The following PECAM1 variants were observed in gnomAD, a reference collection of about 807,000 sequenced individuals.
PECAM1 encodes platelet endothelial cell adhesion molecule.
A neutral mutation model predicts 13.8 loss-of-function variants in PECAM1; 8 were observed. The ratio of observed to expected loss-of-function variants is 0.58; its 90% CI spans 0.34 to 1.05. PECAM1 has a LOEUF of 1.05. Ranked by LOEUF, PECAM1 falls within the 50% of genes least tolerant of loss-of-function variation. The pLI, the probability that PECAM1 is intolerant of heterozygous loss-of-function variation, is 0.03. For synonymous variants in PECAM1, 136 were observed against 52.6 expected (o/e 2.58, Z -6.86); for missense variants, 304 against 141.2 (o/e 2.15, Z -5.84).
chr17:64,377,617 A>AAAGG lies in PECAM1; in HGVS notation c.385+203_385+206dup, dbSNP rs386627305. ...CAGAGTGAGACTCCATCAAAGAAAG[A>AAAGG]AAGGAAGGAAGGAAGGAAGGAAGGG... On this transcript the variant is annotated intron_variant, in intron 3 of 15. Transcript: ENST00000563924. The AAAGG allele has an allele frequency of 1.3e-4, 34 of 252,252 alleles. 3 individuals are homozygous for AAAGG. Among genetic ancestry groups the AAAGG allele is most frequent in the African/African-American group, 3.2e-4 (13 of 40,234 alleles). The allele number at this position is 252,252 out of a possible 1,614,324, so 15.6% of individuals were successfully genotyped here. A position where few individuals can be genotyped will look rare whatever the true frequency, so the allele number is the denominator to read the frequency against.
chr17:64,374,258 G>C (rs2036306929), intron 4 of PECAM1, among the ~76,000 whole-genome samples: 1 of 152,162 alleles, frequency 6.6e-6, no homozygotes, highest in Non-Finnish European at 1.5e-5. Context: ...AGGAGGCCGA[G>C]GTGAGTAGAT....
At chr17:64,355,260 A>G (rs2035820475) in intron 8 of PECAM1, among the ~76,000 whole-genome samples, 1 of 152,138 alleles carries the variant, frequency 6.6e-6, no homozygotes, top group African/African-American at 2.4e-5. Context: ...TGTGGTCCTC[A>G]AGGAGGGAAC....
At chr17:64,367,481 CGGA>C (rs2036135728) in intron 5 of PECAM1, among the ~76,000 whole-genome samples, 1 of 147,348 alleles carries the variant, frequency 6.8e-6, no homozygotes, top group Non-Finnish European at 1.5e-5. Flanking sequence ...ACCCGGGAGG[CGGA>C]GGTTGCAGTG....
intron 8 of PECAM1, 69 bp downstream of exon 8, chr17:64,356,042 A>C (rs2035838967): frequency 2.1e-6 from 1 of 474,286 alleles, no homozygotes; most frequent in Non-Finnish European, 3.9e-6. Flanking sequence ...TCCCTCTTAC[A>C]AGGGGTGTGT....
intron 14 of PECAM1, among the ~76,000 whole-genome samples, chr17:64,334,671 C>G (rs1199907176): frequency 6.6e-6 from 1 of 152,144 alleles, no homozygotes; most frequent in Non-Finnish European, 1.5e-5. Flanking sequence ...CCACGTCCAG[C>G]TAATTTTTTG....
intron 3 of PECAM1, among the ~76,000 whole-genome samples, chr17:64,377,283 C>A (rs1371818446): frequency 1.3e-5 from 2 of 151,968 alleles, no homozygotes; most frequent in Admixed American, 6.6e-5. Flanking sequence ...TGGGGTAGAC[C>A]CATTTTGTTT....
At chr17:64,341,095 T>G (rs2035416729) in intron 14 of PECAM1, among the ~76,000 whole-genome samples, 1 of 54,396 alleles carries the variant, frequency 1.8e-5, no homozygotes, top group East Asian at 4.1e-4. Context: ...AAACTCTGTC[T>G]CAAAAAAAAA....
intron 2 of PECAM1, among the ~76,000 whole-genome samples, chr17:64,389,893 C>T (rs899230597): frequency 0.015 from 2,299 of 151,876 alleles, 54 homozygotes; most frequent in African/African-American, 0.052. Flanking sequence ...ACTAAAAATA[C>T]AAAAATTAGC....
intron 12 of PECAM1, among the ~76,000 whole-genome samples, chr17:64,349,270 C>T (rs1445800974): frequency 6.6e-6 from 1 of 152,070 alleles, no homozygotes; most frequent in African/African-American, 2.4e-5. Flanking sequence ...TCATCAGCTA[C>T]CAAAACAATG....
At chr17:64,354,865 C>T in intron 9 of PECAM1, 68 bp downstream of exon 9, 1 of 470,378 alleles carries the variant, frequency 2.1e-6, no homozygotes, top group Non-Finnish European at 3.9e-6. Context: ...CAGAAAAGCA[C>T]CACGCATCCC....
chr17:64,322,737 A>T lies in PECAM1; in HGVS notation c.*1079T>A. Reference sequence around the variant, plus strand: ...AATTTTGTTTTTTGTTTTTTTTGAGATGGATTCTCACTCTGTCACTCAGGC... The same window carrying T: ...AATTTTGTTTTTTGTTTTTTTTGAGTTGGATTCTCACTCTGTCACTCAGGC... On this transcript the variant is annotated 3_prime_UTR_variant, in exon 16 of 16. Transcript: ENST00000563924. The T allele has an allele frequency of 3.1e-6, 3 of 952,754 alleles. No individual in the cohort carries two copies. The South Asian group carries it at 1.5e-4, about 46-fold the overall frequency. The allele number at this position is 952,754 out of a possible 1,614,324, so 59.0% of individuals were successfully genotyped here.
chr17:64,342,775 G>C (rs1410588450), intron 13 of PECAM1, among the ~76,000 whole-genome samples: 1 of 152,028 alleles, frequency 6.6e-6, no homozygotes, highest in Non-Finnish European at 1.5e-5. Flanking sequence ...CCTTACACTG[G>C]GGTATGGGCA....
intron 2 of PECAM1, among the ~76,000 whole-genome samples, chr17:64,383,270 C>T (rs2036522907): frequency 6.6e-6 from 1 of 152,120 alleles, no homozygotes; most frequent in Non-Finnish European, 1.5e-5. Flanking sequence ...CCCGTGATCC[C>T]ACAGTGCTTA....
At chr17:64,387,899 C>G (rs960101146) in intron 2 of PECAM1, among the ~76,000 whole-genome samples, 1 of 152,142 alleles carries the variant, frequency 6.6e-6, no homozygotes, top group African/African-American at 2.4e-5. Flanking sequence ...AGACTCAGAG[C>G]AAGCCTGCAG....
chr17:64,375,475 A>G, intron 3 of PECAM1, 119 bp from the exon 4 acceptor site: 1 of 397,612 alleles, frequency 2.5e-6, no homozygotes, highest in Non-Finnish European at 4.4e-6. Context: ...GACCCATGAG[A>G]GGGCTCTTTT....
intron 6 of PECAM1, among the ~76,000 whole-genome samples, chr17:64,362,167 C>T (rs1228804849): frequency 6.6e-6 from 1 of 152,182 alleles, no homozygotes; most frequent in Non-Finnish European, 1.5e-5. Flanking sequence ...CACCAAAATG[C>T]TAGTTAGAGA....
At chr17:64,358,387 G>A (rs2035896259) in intron 7 of PECAM1, among the ~76,000 whole-genome samples, 1 of 152,080 alleles carries the variant, frequency 6.6e-6, no homozygotes, top group Admixed American at 6.6e-5. Flanking sequence ...CCAAAGTGCT[G>A]GGATTATAGG....
chr17:64,353,419 G>T, intron 10 of PECAM1, 72 bp downstream of exon 10: 1 of 432,192 alleles, frequency 2.3e-6, no homozygotes. Flanking sequence ...ACTTCCTAAT[G>T]ACCAGAATCT....
intron 12 of PECAM1, 100 bp downstream of exon 12, chr17:64,350,279 GA>G: frequency 5.1e-6 from 2 of 396,038 alleles, no homozygotes; most frequent in Non-Finnish European, 9.3e-6. Context: ...AGAGAGGTGG[GA>G]AATTATCCAC....
Sources: allele counts gnomAD v4.1 joint callset (sites outside exome capture counted in the v4.1 genomes callset), GRCh38; gene constraint gnomAD v4.1.1; transcripts MANE v1.5; gene names NCBI Gene and HGNC (gene_info 2026-07-23, HGNC 2026-07-21).